Variants in TTC6 observed in about 807,000 individuals in gnomAD.
TTC6 encodes tetratricopeptide repeat domain 6.
TTC6 carries 172 observed loss-of-function variants against 210.4 expected under a neutral mutation model. That is an observed-to-expected ratio of 0.82 (90% CI 0.72 to 0.93). The LOEUF (loss-of-function observed/expected upper bound fraction) is 0.93. TTC6 is among the 40% of genes least tolerant of loss of function. TTC6 has a pLI of 0.00. For synonymous variants in TTC6, 804 were observed against 819.6 expected, an observed-to-expected ratio of 0.98 and a Z score of 0.32; for missense variants, 2,414 against 2,318.1, an observed-to-expected ratio of 1.04 and a Z score of -0.85.
At chr14:37,695,788 G>A (rs1222765056) in intron 3 of TTC6, among the ~76,000 whole-genome samples, 2 of 151,826 alleles carry the variant, frequency 1.3e-5, no homozygotes, top group Non-Finnish European at 1.5e-5. Context: ...TTACATGCCT[G>A]TATGAAAACA....
At chr14:37,760,062 C>T (rs1473170499) in intron 14 of TTC6, among the ~76,000 whole-genome samples, 1 of 152,144 alleles carries the variant, frequency 6.6e-6, no homozygotes, top group Admixed American at 6.5e-5. Flanking sequence ...GAGTTGCAAT[C>T]ATTTGGAGAA....
At chr14:37,750,965 A>G in intron 12 of TTC6, 88 bp from the exon 15 acceptor site, 1 of 734,262 alleles carries the variant, frequency 1.4e-6, no homozygotes. Flanking sequence ...TTTTGACTAC[A>G]TTTGTGGAGG....
At chr14:37,626,734 G>A (rs558659022) in intron 1 of TTC6, among the ~76,000 whole-genome samples, 28 of 152,212 alleles carry the variant, frequency 1.8e-4, no homozygotes, top group Non-Finnish European at 3.7e-4. Flanking sequence ...AATGCCAATG[G>A]TTACAGCTAG....
chr14:37,719,096 CTG>C (rs1231125599), intron 6 of TTC6, among the ~76,000 whole-genome samples: 2 of 152,008 alleles, frequency 1.3e-5, no homozygotes, highest in African/African-American at 2.4e-5. Context: ...GATATTAAAA[CTG>C]TATCATTTAT....
At chr14:37,670,416 T>C (rs572447772) in intron 1 of TTC6, among the ~76,000 whole-genome samples, 74 of 150,818 alleles carry the variant, frequency 4.9e-4, no homozygotes, top group Admixed American at 4.0e-3. Flanking sequence ...TTACACAGTA[T>C]GTTTTGTTAA....
chr14:37,680,340 G>C, intron 2 of TTC6, 79 bp downstream of exon 4: 3 of 931,002 alleles, frequency 3.2e-6, no homozygotes, highest in Admixed American at 3.0e-5. Flanking sequence ...TTTATATAGA[G>C]AGTTAAAAAA....
At chr14:37,748,321 A>T (rs1292782879) in intron 10 of TTC6, among the ~76,000 whole-genome samples, 3 of 152,210 alleles carry the variant, frequency 2.0e-5, no homozygotes, top group African/African-American at 7.2e-5. Context: ...TCTTATTCCG[A>T]TAGACTGAGT....
At chr14:37,791,662 G>A (rs1371422593) in intron 16 of TTC6, among the ~76,000 whole-genome samples, 1 of 152,128 alleles carries the variant, frequency 6.6e-6, no homozygotes, top group Non-Finnish European at 1.5e-5. Flanking sequence ...AGGAACTTTG[G>A]TGTCTAGGCA....
intron 14 of TTC6, among the ~76,000 whole-genome samples, chr14:37,767,620 G>T (rs991048783): frequency 1.3e-5 from 2 of 152,082 alleles, no homozygotes; most frequent in Non-Finnish European, 2.9e-5. Flanking sequence ...GTCTGTTCAT[G>T]TCCTTCGCCT....
At chr14:37,812,377 T>C in exon 25 of TTC6, 3 of 1,613,500 alleles carry the variant, frequency 1.9e-6, no homozygotes, top group Non-Finnish European at 2.5e-6. Context: ...ACTAAATACC[T>C]TCCTTAATCG....
intron 26 of TTC6, among the ~76,000 whole-genome samples, chr14:37,820,089 T>C (rs913513001): frequency 1.3e-5 from 2 of 152,228 alleles, no homozygotes; most frequent in African/African-American, 4.8e-5. Flanking sequence ...TGGCTAACTG[T>C]CATGCAGTTA....
At chr14:37,615,032 C>A (rs2095640481) in intron 2 of TTC6, among the ~76,000 whole-genome samples, 1 of 152,184 alleles carries the variant, frequency 6.6e-6, no homozygotes, top group African/African-American at 2.4e-5. Context: ...CAGGCATGAG[C>A]CACTGCACCT....
rs2095956112 is a variant in TTC6 at position 37,752,758 on chromosome 14, C to A, written c.3130-341C>A. On this transcript the variant is annotated intron_variant, in intron 13 of 30. Transcript: ENST00000553443. ...CTTGATGTAGTCTAATATGTTATGT[C>A]TTTAGGATAAAATGCTGAGATAGAT... Among the ~76,000 whole-genome samples the A allele has an allele frequency of 2.0e-5, 3 of 152,108 alleles. No individual in the cohort carries two copies. In the South Asian group the frequency reaches 6.2e-4, roughly 32 times the overall value.
intron 25 of TTC6, among the ~76,000 whole-genome samples, chr14:37,814,882 G>A (rs1319056245): frequency 1.3e-5 from 2 of 152,174 alleles, no homozygotes; most frequent in Non-Finnish European, 2.9e-5. Context: ...TAGTGGGAAA[G>A]ATTGATTAAC....
chr14:37,759,422 G>T (rs1223623598), intron 14 of TTC6, among the ~76,000 whole-genome samples: 1 of 152,060 alleles, frequency 6.6e-6, no homozygotes, highest in Non-Finnish European at 1.5e-5. Flanking sequence ...TTTCTCTTTG[G>T]CTGCCCTTAA....
chr14:37,713,681 G>T (rs1222856835), intron 5 of TTC6, among the ~76,000 whole-genome samples: 1 of 152,184 alleles, frequency 6.6e-6, no homozygotes, highest in Non-Finnish European at 1.5e-5. Flanking sequence ...TAGTAGGTAA[G>T]ATAGGAAGCT....
intron 7 of TTC6, among the ~76,000 whole-genome samples, chr14:37,735,447 A>G (rs1312258397): frequency 1.3e-5 from 2 of 152,184 alleles, no homozygotes; most frequent in African/African-American, 4.8e-5. Flanking sequence ...CAATAAATAT[A>G]TCTACATACT....
chr14:37,600,135 T>G (rs1296961348), intron 1 of TTC6, among the ~76,000 whole-genome samples: 2 of 152,182 alleles, frequency 1.3e-5, no homozygotes, highest in Admixed American at 1.3e-4. Flanking sequence ...GAGGGAAACG[T>G]GACACCTCTT....
At position 37,725,019 on chromosome 14, in the gene TTC6, G is replaced by A; in HGVS notation, c.1818+17G>A. Reference sequence around the variant, plus strand: ...AAATATGAGGTAACATACCGAATGGGTTTTCTCTATTATTGTTGTTGTTAT... The same window carrying A: ...AAATATGAGGTAACATACCGAATGGATTTTCTCTATTATTGTTGTTGTTAT... On this transcript the variant is annotated intron_variant, in intron 7 of 30. Coordinates refer to ENST00000553443, the Ensembl canonical transcript of TTC6. 1 of 1,347,536 alleles carries A rather than the reference G, an allele frequency of 7.4e-7. No homozygotes were observed. Among genetic ancestry groups the A allele is most frequent in the African/African-American group, 1.5e-5 (1 of 68,824 alleles). 83.5% of individuals were successfully genotyped at this position (1,347,536 alleles called of 1,614,324 possible). A position where few individuals can be genotyped will look rare whatever the true frequency, so the allele number is the denominator to read the frequency against.
Sources: allele counts gnomAD v4.1 joint callset (sites outside exome capture counted in the v4.1 genomes callset), GRCh38; gene constraint gnomAD v4.1.1; transcripts MANE v1.5; gene names NCBI Gene and HGNC (gene_info 2026-07-23, HGNC 2026-07-21).